The following SLC45A1 variants were observed in gnomAD, a reference collection of about 807,000 sequenced individuals.
SLC45A1 encodes proton-associated sugar transporter A.
In SLC45A1, 28 loss-of-function variants were observed where a neutral mutation model predicts 57.6. That is an observed-to-expected ratio of 0.49 (90% CI 0.36 to 0.67). The LOEUF (loss-of-function observed/expected upper bound fraction) is 0.67. Among genes scored for constraint, SLC45A1 ranks in the 30% least tolerant of loss-of-function variants. The pLI is 0.00. For missense variants in SLC45A1, 814 were observed against 1,041.5 expected, an observed-to-expected ratio of 0.78 and a Z score of 3.01; for synonymous variants, 459 against 471.5, an observed-to-expected ratio of 0.97 and a Z score of 0.34.
At chr1:8,334,127 G>C (rs1330319673) in intron 5 of SLC45A1, among the ~76,000 whole-genome samples, 1 of 152,232 alleles carries the variant, frequency 6.6e-6, no homozygotes, top group Non-Finnish European at 1.5e-5. Context: ...CGGTTGTTTA[G>C]GTGTGGTTGA....
rs958238811 is a variant in SLC45A1, at chr1:8,343,759, A to G, written c.1993A>G (p.Ser665Gly). 1.2e-6 allele frequency: 2 copies of G among 1,612,822 alleles called. No individual in the cohort carries two copies. The highest frequency in any genetic ancestry group is 1.7e-6 in the Non-Finnish European group (2 of 1,179,228). The part of the protein sequence containing the change: ...YYQSKKFAGS[S>G]ADGTRRGMGV... Reference sequence around the variant, plus strand: ...TCCTCTGGGTCAGTTTGCAGGGTCCAGTGCGGACGGCACCCGGCGGGGCAT... The same window carrying G: ...TCCTCTGGGTCAGTTTGCAGGGTCCGGTGCGGACGGCACCCGGCGGGGCAT... Residue 665 changes from serine to glycine, a missense_variant, in exon 9 of 9, where the codon AGT becomes GGT. By Grantham distance (56) the Ser-to-Gly change is moderately conservative (BLOSUM62 0). Coordinates refer to ENST00000471889, the MANE Select transcript of SLC45A1 (RefSeq NM_001080397.3). The surrounding 1 kb of genome is among the most constrained non-coding windows in gnomAD (Gnocchi z 7.7).
At chr1:8,320,692 T>TACACAC (rs57414432) in intron 1 of SLC45A1, among the ~76,000 whole-genome samples, 1,537 of 101,224 alleles carry the variant, frequency 0.015, 32 homozygotes, top group African/African-American at 0.046. Context: ...TCTCTCTCTC[T>TACACAC]ACACACACAC....
chr1:8,342,909 A>AG lies in SLC45A1; in HGVS notation c.1981-838_1981-837insG, dbSNP rs1640874488. Among the ~76,000 whole-genome samples the AG allele has an allele frequency of 2.6e-5, 4 of 151,440 alleles. No homozygotes were observed. In the South Asian group the frequency reaches 6.3e-4, roughly 24 times the overall value. On this transcript the variant is annotated intron_variant, in intron 8 of 8. Coordinates refer to ENST00000471889, the MANE Select transcript of SLC45A1 (RefSeq NM_001080397.3). ...GCAAGACCCTGTCTCAAAAAAAAAAAAAAGAAAAGAGAAAAGAAAGAAAGA... is the reference window on the plus strand; with the variant it reads ...GCAAGACCCTGTCTCAAAAAAAAAAAGAAAGAAAAGAGAAAAGAAAGAAAGA...
chr1:8,325,368 T>C lies in SLC45A1; in HGVS notation c.468T>C (p.Pro156=), dbSNP rs775743887. ...RCTSRFGRRR[P]FILVLAIGAL... is the part of the protein sequence containing the mutation. Reference sequence around the variant, plus strand: ...CCTCAAGGTTTGGAAGGAGACGCCCTTTCATTCTTGTCCTGGCTATAGGTC... The same window carrying C: ...CCTCAAGGTTTGGAAGGAGACGCCCCTTCATTCTTGTCCTGGCTATAGGTC... Residue 156 remains proline (P), a synonymous_variant, in exon 3 of 9, where the codon CCT becomes CCC. Coordinates refer to ENST00000471889, the MANE Select transcript of SLC45A1 (RefSeq NM_001080397.3). The surrounding 1 kb of genome is among the most constrained non-coding windows in gnomAD (Gnocchi z 6.3). The C allele has an allele frequency of 2.5e-6, 4 of 1,612,438 alleles. No homozygotes were observed. Among genetic ancestry groups the C allele is most frequent in the Non-Finnish European group, 3.4e-6 (4 of 1,178,674 alleles).
Position 8,343,725 on chromosome 1 carries a change from C to CA in SLC45A1, c.1981-21dup. 1 of 1,595,096 alleles carries CA rather than the reference C, an allele frequency of 6.3e-7. No individual in the cohort carries two copies. Among genetic ancestry groups the CA allele is most frequent in the Non-Finnish European group, 8.6e-7 (1 of 1,165,626 alleles). ...TGCTGGCCGCGGCGTGTCTCGCTGA[C>CA]ACGTTTCTTCCTCTGGGTCAGTTTG... On this transcript the variant is annotated intron_variant, in intron 8 of 8. Coordinates refer to ENST00000471889, the MANE Select transcript of SLC45A1 (RefSeq NM_001080397.3). The surrounding 1 kb of genome is among the most constrained non-coding windows in gnomAD (Gnocchi z 7.7).
chr1:8,338,040 G>A (rs772629297), intron 7 of SLC45A1, 48 bp downstream of exon 7: 16 of 1,563,200 alleles, frequency 1.0e-5, no homozygotes, highest in South Asian at 3.5e-5. Flanking sequence ...CTTTGGTTGG[G>A]TCCATGGAGC....
At chr1:8,324,775 G>A in intron 2 of SLC45A1, 49 bp downstream of exon 2, 1 of 1,498,426 alleles carries the variant, frequency 6.7e-7, no homozygotes, top group Non-Finnish European at 8.9e-7. Context: ...GAAGCCTCCA[G>A]AAGCCTCATC....
chr1:8,331,325 TA>T (rs1640402058), intron 5 of SLC45A1, among the ~76,000 whole-genome samples: 8 of 112,124 alleles, frequency 7.1e-5, no homozygotes, highest in Non-Finnish European at 1.3e-4. Context: ...AAAACACTTT[TA>T]AAAAATATTT....
intron 6 of SLC45A1, chr1:8,336,010 T>C (rs1640599473): frequency 5.5e-6 from 1 of 181,560 alleles, no homozygotes. Flanking sequence ...TATTGCTGTT[T>C]GTAAATTCAC....
In SLC45A1 at chr1:8,324,315, C is replaced by T. The variant is rs1569931022; in HGVS notation, c.-15C>T. ...CGGGCTTTCCTCACAGGGACGCCCA[C>T]CAGCCCTCCCCACGATGATCCCCGC... On this transcript the variant is annotated 5_prime_UTR_variant, in exon 2 of 9. Transcript: ENST00000471889. The T allele has an allele frequency of 1.2e-6, 2 of 1,608,468 alleles. No individual in the cohort carries two copies.
intron 2 of SLC45A1, among the ~76,000 whole-genome samples, chr1:8,324,997 A>G (rs535557659): frequency 1.3e-5 from 2 of 152,064 alleles, no homozygotes; most frequent in South Asian, 4.2e-4. Context: ...TCCAACTCAT[A>G]ACGCTTGGTG....
intron 5 of SLC45A1, among the ~76,000 whole-genome samples, chr1:8,332,730 C>T (rs1253252302): frequency 1.3e-5 from 2 of 151,968 alleles, no homozygotes; most frequent in African/African-American, 4.8e-5. Context: ...AGGCTGGTCT[C>T]GAACTCCTGG....
chr1:8,324,565 A>AC lies in SLC45A1; in HGVS notation c.241dup (p.Gln81ProfsTer65). The AC allele has an allele frequency of 6.7e-7, 1 of 1,493,008 alleles. No homozygotes were observed. Among genetic ancestry groups the AC allele is most frequent in the Non-Finnish European group, 9.0e-7 (1 of 1,112,144 alleles). The allele number at this position is 1,493,008 out of a possible 1,614,324, so 92.5% of individuals were successfully genotyped here. ...GAGCTGGTGGACTTCGGGGACCTGCACCCCCAGAGGTCCTTCCGGGAGCTG... is the reference window on the plus strand; with the variant it reads ...GAGCTGGTGGACTTCGGGGACCTGCACCCCCCAGAGGTCCTTCCGGGAGCTG... On this transcript the variant is annotated frameshift_variant, in exon 2 of 9. Transcript: ENST00000471889. LOFTEE classifies it high-confidence loss of function.
chr1:8,336,814 A>G (rs1380454537), intron 6 of SLC45A1, among the ~76,000 whole-genome samples: 5 of 152,056 alleles, frequency 3.3e-5, no homozygotes, highest in African/African-American at 1.2e-4. Context: ...TATAAATACC[A>G]CCTTCCTCTA....
intron 1 of SLC45A1, among the ~76,000 whole-genome samples, chr1:8,322,989 G>T (rs998568230): frequency 6.6e-6 from 1 of 152,088 alleles, no homozygotes; most frequent in Non-Finnish European, 1.5e-5. Flanking sequence ...TAACATATTA[G>T]AATCCATTCT....
At position 8,335,608 on chromosome 1, in the gene SLC45A1, C is replaced by A; in HGVS notation, c.1597+18C>A. The stretch of plus-strand genomic sequence containing the variant: ...CTTCCTGGGTGAGCTCCCGGCCAAG[C>A]CTCCCCGTGAGTCCTGGTCCTGCTC... On this transcript the variant is annotated intron_variant, in intron 6 of 8. Transcript: ENST00000471889. This position sits in a 1 kb window ranked among gnomAD's most constrained non-coding sequence, Gnocchi z 4.1. The A allele has an allele frequency of 2.5e-6, 4 of 1,587,012 alleles. No homozygotes were observed. The highest frequency in any genetic ancestry group is 2.3e-5 in the South Asian group (2 of 87,980).
In SLC45A1 at chr1:8,328,886, T is replaced by C. The variant is rs1640284452; in HGVS notation, c.716-1323T>C. On this transcript the variant is annotated intron_variant, in intron 4 of 8. Transcript: ENST00000471889. This position sits in a 1 kb window ranked among gnomAD's most constrained non-coding sequence, Gnocchi z 4.6. ...AATAAAGTTCTTCTGAAATCTGACC[T>C]TGGATAAGGGTCACGAACAGCAATG... Among the ~76,000 whole-genome samples the C allele has an allele frequency of 6.6e-6, 1 of 152,018 alleles. No homozygotes were observed. Among genetic ancestry groups the C allele is most frequent in the Non-Finnish European group, 1.5e-5 (1 of 67,998 alleles).
rs1460724725 is a variant in SLC45A1, at chr1:8,330,133, C to T, written c.716-76C>T. ...GAATGGCCTTGGCTACCTTCATGTC[C>T]TTCTAAGAACGGGGCCACCGCGTTT... On this transcript the variant is annotated intron_variant, in intron 4 of 8. Coordinates refer to ENST00000471889, the MANE Select transcript of SLC45A1 (RefSeq NM_001080397.3). This position sits in a 1 kb window ranked among gnomAD's most constrained non-coding sequence, Gnocchi z 8.4. 6 of 1,541,964 alleles carry T rather than the reference C, an allele frequency of 3.9e-6. No homozygotes were observed. Among genetic ancestry groups the T allele is most frequent in the African/African-American group, 2.8e-5 (2 of 72,534 alleles).
intron 5 of SLC45A1, among the ~76,000 whole-genome samples, chr1:8,332,550 T>C (rs10864349): frequency 0.83 from 123,739 of 148,594 alleles, 51,734 homozygotes; most frequent in East Asian, 0.95. Flanking sequence ...CTTGCTCTGT[T>C]GCCCAGGCTG....
Sources: gnomAD v4.1 joint callset for allele counts (sites outside exome capture counted in the v4.1 genomes callset) on GRCh38, gnomAD v4.1.1 for gene constraint, Gnocchi (gnomAD v3.1) non-coding constraint, MANE v1.5 for transcripts, NCBI Gene and HGNC (gene_info 2026-07-23, HGNC 2026-07-21) for gene names.